The following UNC13C variants were observed in gnomAD, a reference collection of about 807,000 sequenced individuals.
The protein encoded by UNC13C is protein unc-13 homolog C.
A neutral mutation model predicts 245.4 loss-of-function variants in UNC13C; 174 were observed. That is an observed-to-expected ratio of 0.71 (90% CI 0.63 to 0.80). The LOEUF is 0.80. Among genes scored for constraint, UNC13C ranks in the 30% least tolerant of loss-of-function variants. UNC13C has a pLI of 0.00. For missense variants in UNC13C, 2,829 were observed against 2,602.9 expected, an observed-to-expected ratio of 1.09 and a Z score of -1.89; for synonymous variants, 992 against 895.1, an observed-to-expected ratio of 1.11 and a Z score of -1.93.
Position 54,374,320 on chromosome 15 carries a change from C to G in UNC13C, c.4714-18728C>G, listed in dbSNP as rs1373922229. Among the ~76,000 whole-genome samples, 4 of 152,168 alleles carry G rather than the reference C, an allele frequency of 2.6e-5. 1 individual carries two copies. The highest frequency in any genetic ancestry group is 5.9e-5 in the Non-Finnish European group (4 of 68,040). ...CTCCCACTGTCATCAGCCTGTCAGCCCAGGTGCCCAGGCTGTTTGTACTGA... is the reference window on the plus strand; with the variant it reads ...CTCCCACTGTCATCAGCCTGTCAGCGCAGGTGCCCAGGCTGTTTGTACTGA... On this transcript the variant is annotated intron_variant, in intron 17 of 32. Coordinates refer to ENST00000260323, the MANE Select transcript of UNC13C (RefSeq NM_001080534.3).
chr15:54,613,616 A>T (rs1433310848), intron 30 of UNC13C, among the ~76,000 whole-genome samples: 1 of 152,026 alleles, frequency 6.6e-6, no homozygotes, highest in Non-Finnish European at 1.5e-5. Flanking sequence ...TAATGGAGAA[A>T]GAGACCAGGG....
At position 54,143,151 on chromosome 15, in the gene UNC13C, T is replaced by C. The variant is rs2032101178; in HGVS notation, c.3006+111T>C. 5.9e-6 allele frequency: 6 copies of C among 1,023,906 alleles called. 1 individual carries two copies. In the South Asian group the frequency reaches 6.8e-5, roughly 12 times the overall value. 63.4% of individuals were successfully genotyped at this position (1,023,906 alleles called of 1,614,324 possible). ...CTCTGTTTTAGTTTTGAAATGTGCA[T>C]GTTATCCCAGCTTTCCATTATTTGG... is the stretch of plus-strand genomic sequence containing the variant. On this transcript the variant is annotated intron_variant, in intron 3 of 32. Transcript: ENST00000260323.
intron 19 of UNC13C, among the ~76,000 whole-genome samples, chr15:54,441,953 T>G (rs1890550425): frequency 6.6e-6 from 1 of 152,004 alleles, no homozygotes; most frequent in Non-Finnish European, 1.5e-5. Context: ...TTAAATGGGA[T>G]TTTCTTCTTT....
At chr15:54,393,287 A>C in intron 18 of UNC13C, 106 bp downstream of exon 18, 1 of 967,950 alleles carries the variant, frequency 1.0e-6, no homozygotes, top group Non-Finnish European at 1.4e-6. Flanking sequence ...CTTTTCCATA[A>C]TTAAGCTATA....
Position 54,303,057 on chromosome 15 carries a change from C to A in UNC13C, c.4268+2684C>A, listed in dbSNP as rs116450512. ...TTAGATGTGAAAAAAAAATAAGAAA[C>A]CTTAGAGATCACTCGATTGAACCTC... On this transcript the variant is annotated intron_variant, in intron 13 of 32. Coordinates refer to ENST00000260323, the MANE Select transcript of UNC13C (RefSeq NM_001080534.3). Among the ~76,000 whole-genome samples, 1,299 of 151,978 alleles carry A rather than the reference C, an allele frequency of 8.5e-3. 25 individuals are homozygous for A. The highest frequency in any genetic ancestry group is 0.03 in the African/African-American group (1,244 of 41,460).
At chr15:53,859,679 T>G in the UNC13C span, among the ~76,000 whole-genome samples, 2 of 152,142 alleles carry the variant, frequency 1.3e-5, no homozygotes, top group Non-Finnish European at 2.9e-5. Flanking sequence ...TGCTATGAAC[T>G]TCCAACCCCG....
At chr15:54,544,395 G>A (rs1311157943) in intron 26 of UNC13C, among the ~76,000 whole-genome samples, 1 of 152,140 alleles carries the variant, frequency 6.6e-6, no homozygotes, top group Non-Finnish European at 1.5e-5. Context: ...ACAAGACAAG[G>A]ATGCCCTCTC....
chr15:53,935,903 C>T, the UNC13C span, among the ~76,000 whole-genome samples: 6 of 152,270 alleles, frequency 3.9e-5, no homozygotes, highest in African/African-American at 1.4e-4. Flanking sequence ...GCAGGGTGGC[C>T]ACTCCAGCAC....
At chr15:53,958,240 T>C in the UNC13C span, among the ~76,000 whole-genome samples, 1 of 152,144 alleles carries the variant, frequency 6.6e-6, no homozygotes, top group East Asian at 1.9e-4. Flanking sequence ...CAAACCGAAA[T>C]TTGGACAGCT....
At chr15:54,484,323 T>C (rs984999439) in intron 19 of UNC13C, among the ~76,000 whole-genome samples, 3 of 152,196 alleles carry the variant, frequency 2.0e-5, no homozygotes, top group Admixed American at 2.0e-4. Context: ...TGATTGGTTT[T>C]ACTTTTTAGC....
chr15:54,452,734 G>A (rs1891248711), intron 19 of UNC13C, among the ~76,000 whole-genome samples: 1 of 152,342 alleles, frequency 6.6e-6, no homozygotes, highest in East Asian at 1.9e-4. Flanking sequence ...CCCTGCTACT[G>A]CTAAGGGCCA....
intron 2 of UNC13C, among the ~76,000 whole-genome samples, chr15:54,067,906 G>C (rs1898146300): frequency 6.6e-6 from 1 of 152,184 alleles, no homozygotes; most frequent in African/African-American, 2.4e-5. Context: ...TAAGGAGTTA[G>C]AGTAATATTG....
At chr15:53,936,917 A>G in the UNC13C span, among the ~76,000 whole-genome samples, 1 of 152,222 alleles carries the variant, frequency 6.6e-6, no homozygotes. Context: ...AAGCCCACAA[A>G]GATGAGAAAG....
intron 13 of UNC13C, among the ~76,000 whole-genome samples, chr15:54,310,748 A>ATATCTG (rs2037846868): frequency 1.4e-5 from 2 of 138,272 alleles, no homozygotes; most frequent in South Asian, 4.4e-4. Flanking sequence ...TTATATATCT[A>ATATCTG]TATCTATATC....
chr15:54,326,804 G>C (rs1474292206), intron 14 of UNC13C, among the ~76,000 whole-genome samples: 1 of 152,012 alleles, frequency 6.6e-6, no homozygotes, highest in Non-Finnish European at 1.5e-5. Flanking sequence ...ATTGATTGTA[G>C]AACAGTGGTA....
intron 19 of UNC13C, among the ~76,000 whole-genome samples, chr15:54,417,800 G>A (rs957256251): frequency 5.3e-5 from 8 of 152,126 alleles, no homozygotes; most frequent in African/African-American, 1.4e-4. Flanking sequence ...AATCTAAGGA[G>A]CACTAAAGCA....
At chr15:54,536,820 G>T (rs1462049625) in intron 26 of UNC13C, among the ~76,000 whole-genome samples, 1 of 151,782 alleles carries the variant, frequency 6.6e-6, no homozygotes, top group Admixed American at 6.6e-5. Flanking sequence ...AGGCATTAAG[G>T]GAACACACTT....
At chr15:53,843,551 G>A in the UNC13C span, among the ~76,000 whole-genome samples, 10 of 151,892 alleles carry the variant, frequency 6.6e-5, no homozygotes, top group African/African-American at 2.4e-4. Context: ...AATTAATCAT[G>A]AGATTAGTAA....
intron 1 of UNC13C, among the ~76,000 whole-genome samples, chr15:54,004,460 T>A (rs1036316546): frequency 6.6e-6 from 1 of 152,208 alleles, no homozygotes; most frequent in African/African-American, 2.4e-5. Flanking sequence ...GAACAGTACT[T>A]CAACAGGCAT....
Sources: gnomAD v4.1 joint callset for allele counts (sites outside exome capture counted in the v4.1 genomes callset) on GRCh38, gnomAD v4.1.1 for gene constraint, MANE v1.5 for transcripts, NCBI Gene and HGNC (gene_info 2026-07-23, HGNC 2026-07-21) for gene names.